FAM114A1: variants seen among roughly 807,000 people sequenced by gnomAD.
FAM114A1 encodes the protein family with sequence similarity 114 member A1, also known as protein NOXP20.
Under a neutral mutation model 64.3 loss-of-function variants are expected in FAM114A1, and 62 were observed. That is an observed-to-expected ratio of 0.96 (90% confidence interval 0.79 to 1.19). The LOEUF (loss-of-function observed/expected upper bound fraction) is 1.19. Ranked by LOEUF, FAM114A1 falls within the 50% of genes most tolerant of loss-of-function variation. FAM114A1 has a pLI of 0.00. For missense variants in FAM114A1, 645 were observed against 676.3 expected, an observed-to-expected ratio of 0.95 and a Z score of 0.51; for synonymous variants, 254 against 251.1, an observed-to-expected ratio of 1.01 and a Z score of -0.11.
At chr4:38,868,127 G>T in intron 1 of FAM114A1, 1 of 248,676 alleles carries the variant, frequency 4.0e-6, no homozygotes, top group Non-Finnish European at 8.7e-6. Flanking sequence ...CCACACTCAG[G>T]GTCTGCCCCC....
In FAM114A1 at chr4:38,944,566, G is replaced by A. The variant is rs1371413293; in HGVS notation, c.*1009G>A. ...GGTTAGGAACCAGGCCACACAGCAG[G>A]GGGTGAGCGGTGGGTGAGTGAGCAC... On this transcript the variant is annotated 3_prime_UTR_variant, in exon 15 of 15. Transcript: ENST00000358869. 1 of 152,226 alleles carries A rather than the reference G, an allele frequency of 6.6e-6. No homozygotes were observed. The highest frequency in any genetic ancestry group is 2.4e-5 in the African/African-American group (1 of 41,394). 9.4% of individuals were successfully genotyped at this position (152,226 alleles called of 1,614,324 possible). A position where few individuals can be genotyped will look rare whatever the true frequency, so the allele number is the denominator to read the frequency against.
intron 4 of FAM114A1, among the ~76,000 whole-genome samples, chr4:38,903,981 CTT>C (rs1717755658): frequency 6.6e-6 from 1 of 152,160 alleles, no homozygotes; most frequent in Non-Finnish European, 1.5e-5. Flanking sequence ...AAATGCTACT[CTT>C]TAGGTTTGGG....
chr4:38,891,909 T>TACG, intron 4 of FAM114A1, 79 bp downstream of exon 4: 1 of 1,281,938 alleles, frequency 7.8e-7, no homozygotes, highest in Non-Finnish European at 1.1e-6. Context: ...TACTGTATAC[T>TACG]AATAGAGTTT....
chr4:38,877,271 T>C (rs1440689175), intron 2 of FAM114A1, among the ~76,000 whole-genome samples: 5 of 152,124 alleles, frequency 3.3e-5, no homozygotes, highest in African/African-American at 1.2e-4. Flanking sequence ...ACGTTGTAAT[T>C]TATAATGAAA....
At chr4:38,884,658 G>A (rs556554878) in intron 3 of FAM114A1, among the ~76,000 whole-genome samples, 3 of 152,298 alleles carry the variant, frequency 2.0e-5, no homozygotes, top group Admixed American at 1.3e-4. Context: ...TAAATGAAAC[G>A]GTAATTAACA....
chr4:38,869,428 T>C (rs1366782079), intron 2 of FAM114A1, among the ~76,000 whole-genome samples: 1 of 152,010 alleles, frequency 6.6e-6, no homozygotes, highest in Non-Finnish European at 1.5e-5. Context: ...TTATGGGGAA[T>C]GGAGAAAAGA....
At chr4:38,902,329 C>T (rs1432374715) in intron 4 of FAM114A1, among the ~76,000 whole-genome samples, 3 of 152,142 alleles carry the variant, frequency 2.0e-5, no homozygotes, top group Admixed American at 6.5e-5. Context: ...CAATAAATGT[C>T]GGCCATAGCA....
At chr4:38,869,841 T>G (rs181765835) in intron 2 of FAM114A1, among the ~76,000 whole-genome samples, 25 of 152,202 alleles carry the variant, frequency 1.6e-4, no homozygotes, top group Non-Finnish European at 2.9e-4. Flanking sequence ...TTTCATAAAA[T>G]GAAAGACATT....
intron 11 of FAM114A1, 92 bp from the exon 12 acceptor site, chr4:38,932,143 T>G: frequency 7.2e-7 from 1 of 1,389,446 alleles, no homozygotes; most frequent in South Asian, 1.4e-5. Context: ...GGGGTATTTT[T>G]GAAAGAATTA....
chr4:38,926,320 A>G (rs938377748), intron 9 of FAM114A1, among the ~76,000 whole-genome samples: 2 of 152,168 alleles, frequency 1.3e-5, no homozygotes, highest in African/African-American at 2.4e-5. Flanking sequence ...GACCTTGTCG[A>G]TGCTGCCCAG....
intron 4 of FAM114A1, among the ~76,000 whole-genome samples, chr4:38,894,337 T>A (rs1446140431): frequency 6.6e-6 from 1 of 152,144 alleles, no homozygotes; most frequent in East Asian, 1.9e-4. Flanking sequence ...ATCTTGTTAC[T>A]CTCACAACAA....
At chr4:38,903,248 A>G (rs1285322533) in intron 4 of FAM114A1, among the ~76,000 whole-genome samples, 2 of 152,238 alleles carry the variant, frequency 1.3e-5, no homozygotes, top group Non-Finnish European at 2.9e-5. Flanking sequence ...TCGTGTATAC[A>G]TATCTGTGAT....
At chr4:38,875,205 A>G (rs114807927) in intron 2 of FAM114A1, among the ~76,000 whole-genome samples, 7,010 of 152,122 alleles carry the variant, frequency 0.046, 262 homozygotes, top group African/African-American at 0.1. Context: ...TTCTAATTCT[A>G]TGAAAAACAT....
intron 9 of FAM114A1, among the ~76,000 whole-genome samples, chr4:38,924,064 C>A (rs1450938257): frequency 2.0e-5 from 3 of 152,148 alleles, no homozygotes; most frequent in Non-Finnish European, 2.9e-5. Flanking sequence ...GGAAGGGTCC[C>A]ATTTGAAACA....
intron 11 of FAM114A1, among the ~76,000 whole-genome samples, 193 bp from the exon 12 acceptor site, chr4:38,932,042 C>T (rs112300684): frequency 3.9e-5 from 6 of 152,340 alleles, no homozygotes; most frequent in East Asian, 3.9e-4. Flanking sequence ...CTGCCACATC[C>T]GTGGGGGCTT....
intron 9 of FAM114A1, among the ~76,000 whole-genome samples, chr4:38,924,196 G>A (rs1719895643): frequency 6.6e-6 from 1 of 152,068 alleles, no homozygotes; most frequent in African/African-American, 2.4e-5. Context: ...TGTTGTAGGG[G>A]GTCATGTTAG....
At chr4:38,917,335 C>G (rs1281169791) in intron 8 of FAM114A1, among the ~76,000 whole-genome samples, 12 of 147,150 alleles carry the variant, frequency 8.2e-5, no homozygotes, top group African/African-American at 2.6e-4. Flanking sequence ...AAGACTCTGT[C>G]TCAAAAAAAA....
At chr4:38,935,468 G>A (rs1721001108) in intron 12 of FAM114A1, among the ~76,000 whole-genome samples, 1 of 152,142 alleles carries the variant, frequency 6.6e-6, no homozygotes, top group Non-Finnish European at 1.5e-5. Flanking sequence ...TTCTAAAAGA[G>A]GTCAAGTGAG....
chr4:38,920,295 G>A (rs1338752742), intron 8 of FAM114A1, among the ~76,000 whole-genome samples: 1 of 151,964 alleles, frequency 6.6e-6, no homozygotes, highest in Non-Finnish European at 1.5e-5. Flanking sequence ...CACAATGGCA[G>A]CACACACCTC....
Sources: gnomAD v4.1 joint callset for allele counts (sites outside exome capture counted in the v4.1 genomes callset) on GRCh38, gnomAD v4.1.1 for gene constraint, MANE v1.5 for transcripts, NCBI Gene and HGNC (gene_info 2026-07-23, HGNC 2026-07-21) for gene names.